DHX9: variants seen among roughly 807,000 people sequenced by gnomAD.
DHX9 encodes ATP-dependent RNA helicase A.
A neutral mutation model predicts 148.7 loss-of-function variants in DHX9; 27 were observed. The observed-to-expected ratio is 0.18, with a 90% CI of 0.13 to 0.25. The LOEUF (loss-of-function observed/expected upper bound fraction) is 0.25. Ranked by LOEUF, DHX9 falls within the 10% of genes least tolerant of loss-of-function variation. The pLI, the probability that DHX9 is intolerant of heterozygous loss-of-function variation, is 1.00. For missense variants in DHX9, 796 were observed against 1,559.6 expected (o/e 0.51, Z 8.25); for synonymous variants, 529 against 516.6 (o/e 1.02, Z -0.33).
In DHX9 at chr1:182,881,649, T is replaced by TAAGA. The variant is rs1649089520; in HGVS notation, c.2914+3_2914+6dup. 6.3e-7 allele frequency: 1 copy of TAAGA among 1,592,178 alleles called. No individual in the cohort carries two copies. The stretch of plus-strand genomic sequence containing the variant: ...TGATTAATTCTGGGTTTCCAGAAGG[T>TAAGA]AAGACTTCTTCCATTCTTAAGATAT... On this transcript the variant is annotated splice_region_variant and intron_variant, in intron 24 of 27. Transcript: ENST00000367549.
intron 26 of DHX9, 66 bp downstream of exon 26, chr1:182,883,701 G>A (rs1649191782): frequency 1.7e-6 from 2 of 1,153,994 alleles, no homozygotes; most frequent in Non-Finnish European, 2.6e-6. Flanking sequence ...GAATTCAGCT[G>A]CTAATCTAAC....
intron 12 of DHX9, among the ~76,000 whole-genome samples, chr1:182,864,807 C>T (rs1297436756): frequency 6.6e-6 from 1 of 152,098 alleles, no homozygotes; most frequent in Non-Finnish European, 1.5e-5. Context: ...TATTTAAAAC[C>T]TCTATCATGT....
chr1:182,880,361 C>A, intron 21 of DHX9, 136 bp from the exon 22 acceptor site: 1 of 544,170 alleles, frequency 1.8e-6, no homozygotes, highest in Non-Finnish European at 3.3e-6. Context: ...GAATTGTTGG[C>A]CGTAGACATG....
chr1:182,880,406 A>T (rs1233199115), intron 21 of DHX9, 91 bp from the exon 22 acceptor site: 1 of 785,562 alleles, frequency 1.3e-6, no homozygotes, highest in Non-Finnish European at 2.1e-6. Context: ...GAGGAACTCT[A>T]AACTGTCTTA....
rs376783174 is a variant in DHX9 at position 182,881,626 on chromosome 1, A to T, written c.2893A>T (p.Ile965Phe). 6.2e-7 allele frequency: 1 copy of T among 1,607,258 alleles called. No homozygotes were observed. Among genetic ancestry groups the T allele is most frequent in the Admixed American group, 1.7e-5 (1 of 58,108 alleles). Residue 965 changes from isoleucine (I) to phenylalanine (F), a missense_variant, in exon 24 of 28, where the codon ATT becomes TTT. Around this residue, in one of 14 missense-constraint regions of DHX9, gnomAD observed 122 missense variants for 289.3 expected, o/e 0.42. Transcript: ENST00000367549. ...CAAAGTTCAGCTCAAAGAGATTTTGATTAATTCTGGGTTTCCAGAAGGTAA... is the reference window on the plus strand; with the variant it reads ...CAAAGTTCAGCTCAAAGAGATTTTGTTTAATTCTGGGTTTCCAGAAGGTAA... Reference protein sequence around the residue: ...EAKVQLKEILINSGFPEDCLL... With the variant: ...EAKVQLKEILFNSGFPEDCLL...
At chr1:182,877,811 T>C in intron 19 of DHX9, 1 of 555,808 alleles carries the variant, frequency 1.8e-6, no homozygotes, top group South Asian at 2.7e-5. Flanking sequence ...AGCTGATAAG[T>C]GGCAAGTGGA....
chr1:182,858,318 G>A, intron 8 of DHX9, 78 bp downstream of exon 8: 18 of 1,509,288 alleles, frequency 1.2e-5, no homozygotes, highest in Non-Finnish European at 1.6e-5. Flanking sequence ...GGCTGAAGAA[G>A]TTTAATTTTA....
chr1:182,862,031 C>T (rs1668371670), intron 12 of DHX9, among the ~76,000 whole-genome samples: 1 of 152,010 alleles, frequency 6.6e-6, no homozygotes, highest in Admixed American at 6.6e-5. Flanking sequence ...TTGGTTATTA[C>T]AGAATACAGT....
In DHX9 at chr1:182,887,293, T is replaced by C; in HGVS notation, c.3672T>C (p.Gly1224=). The change falls in exon 28 of 28, where the codon GGT becomes GGC. Residue 1224 remains glycine, a synonymous_variant. Coordinates refer to ENST00000367549, the MANE Select transcript of DHX9 (RefSeq NM_001357.5). ...GAGGCTATAGAGGAGTTTCCCGAGGTGGCTTTAGAGGCAACTCTGGAGGAG... is the reference window on the plus strand; with the variant it reads ...GAGGCTATAGAGGAGTTTCCCGAGGCGGCTTTAGAGGCAACTCTGGAGGAG... ...VGGGYRGVSR[G]GFRGNSGGDY... is the part of the protein sequence containing the mutation. The C allele has an allele frequency of 6.2e-7, 1 of 1,613,830 alleles. No homozygotes were observed. Among genetic ancestry groups the C allele is most frequent in the African/African-American group, 1.3e-5 (1 of 74,910 alleles).
Position 182,879,312 on chromosome 1 carries a change from TA to T in DHX9, c.2418del (p.Lys806AsnfsTer5). 1.3e-6 allele frequency: 2 copies of T among 1,546,858 alleles called. No homozygotes were observed. Among genetic ancestry groups the T allele is most frequent in the Non-Finnish European group, 8.8e-7 (1 of 1,131,026 alleles). The part of the protein sequence containing the change: ...RTPLHEIALS[I>X]KLLRLGGIGQ... ...CCATTGCATGAAATTGCTCTTAGCA[TA>T]AAACTTCTGCGTCTAGGAGGAATTG... On this transcript the variant is annotated frameshift_variant, in exon 21 of 28. Coordinates refer to ENST00000367549, the MANE Select transcript of DHX9 (RefSeq NM_001357.5). LOFTEE classifies it high-confidence loss of function.
intron 27 of DHX9, among the ~76,000 whole-genome samples, chr1:182,886,314 A>G (rs1306722791): frequency 1.3e-5 from 2 of 151,260 alleles, no homozygotes; most frequent in African/African-American, 4.9e-5. Context: ...TCCTGCCTCA[A>G]CCCCCCGAGC....
intron 24 of DHX9, among the ~76,000 whole-genome samples, 174 bp downstream of exon 24, chr1:182,881,821 T>C (rs921352334): frequency 2.2e-4 from 33 of 152,250 alleles, no homozygotes; most frequent in African/African-American, 7.7e-4. Flanking sequence ...AGTACTTTGC[T>C]GATAACCTTA....
At chr1:182,852,650 T>A (rs1459267226) in intron 4 of DHX9, among the ~76,000 whole-genome samples, 1 of 152,240 alleles carries the variant, frequency 6.6e-6, no homozygotes, top group Non-Finnish European at 1.5e-5. Context: ...TCCTTATTCT[T>A]ACTAAATATA....
At chr1:182,855,283 G>A (rs1251490053) in intron 6 of DHX9, among the ~76,000 whole-genome samples, 4 of 152,206 alleles carry the variant, frequency 2.6e-5, no homozygotes, top group African/African-American at 9.7e-5. Context: ...AGAACAATGA[G>A]ATACCGAAGT....
intron 5 of DHX9, 69 bp downstream of exon 5, chr1:182,853,487 G>T: frequency 1.7e-6 from 2 of 1,174,042 alleles, no homozygotes; most frequent in Non-Finnish European, 2.5e-6. Context: ...CAAAGCTTAG[G>T]ATTAGGATAT....
chr1:182,858,015 G>A, intron 7 of DHX9, 89 bp from the exon 8 acceptor site: 3 of 1,351,992 alleles, frequency 2.2e-6, no homozygotes, highest in Non-Finnish European at 3.0e-6. Context: ...AGGGCTTCTT[G>A]TGTACGTAAG....
chr1:182,847,857 T>C (rs1668059923), intron 3 of DHX9, among the ~76,000 whole-genome samples: 1 of 152,128 alleles, frequency 6.6e-6, no homozygotes, highest in Admixed American at 6.6e-5. Context: ...TTCTGGTGTG[T>C]TGTGTGTGTG....
rs942639755 is a variant in DHX9, at chr1:182,866,483, G to A, written c.1372G>A (p.Ala458Thr). The A allele has an allele frequency of 1.2e-6, 2 of 1,614,164 alleles. No individual in the cohort carries two copies. The highest frequency in any genetic ancestry group is 1.7e-6 in the Non-Finnish European group (2 of 1,180,026). The change falls in exon 13 of 28, where the codon GCA (alanine) becomes ACA (threonine). Residue 458 changes from alanine (A) to threonine (T), a missense_variant. Transcript: ENST00000367549. ...TGCGGTTTCTGTGGCAGAGCGAGTT[G>A]CATTTGAAAGAGGAGAAGAGCCTGG... Reference protein sequence around the residue: ...ISAVSVAERVAFERGEEPGKS... With the variant: ...ISAVSVAERVTFERGEEPGKS...
At chr1:182,844,768 C>G (rs745575424) in intron 3 of DHX9, among the ~76,000 whole-genome samples, 6 of 152,180 alleles carry the variant, frequency 3.9e-5, no homozygotes, top group African/African-American at 1.4e-4. Context: ...CTCCTGACCT[C>G]GGCCTCCCAA....
Sources: allele counts gnomAD v4.1 joint callset (sites outside exome capture counted in the v4.1 genomes callset), GRCh38; gene constraint gnomAD v4.1.1; regional missense constraint gnomAD v4.1.1; transcripts MANE v1.5; gene names NCBI Gene and HGNC (gene_info 2026-07-23, HGNC 2026-07-21).